The following UNC5D variants were observed in gnomAD, a reference collection of about 807,000 sequenced individuals.
UNC5D encodes the protein unc-5 netrin receptor D, also known as netrin receptor UNC5D.
Under a neutral mutation model 105.4 loss-of-function variants are expected in UNC5D, and 39 were observed. That is an observed-to-expected ratio of 0.37 (90% CI 0.29 to 0.48). The LOEUF (loss-of-function observed/expected upper bound fraction) is 0.48. Among genes scored for constraint, UNC5D ranks in the 20% least tolerant of loss-of-function variants. The pLI, the probability that UNC5D is intolerant of heterozygous loss-of-function variation, is 0.98. For missense variants in UNC5D, 991 were observed against 1,202.4 expected, an observed-to-expected ratio of 0.82 and a Z score of 2.60; for synonymous variants, 452 against 450.4, an observed-to-expected ratio of 1.00 and a Z score of -0.04.
intron 7 of UNC5D, among the ~76,000 whole-genome samples, chr8:35,689,894 C>T (rs1826269680): frequency 6.6e-6 from 1 of 152,140 alleles, no homozygotes; most frequent in Non-Finnish European, 1.5e-5. Flanking sequence ...CAAGTTGGCA[C>T]ATAAAATTAA....
chr8:35,713,623 G>C (rs1228294434), intron 8 of UNC5D, among the ~76,000 whole-genome samples: 1 of 152,092 alleles, frequency 6.6e-6, no homozygotes, highest in African/African-American at 2.4e-5. Flanking sequence ...ACTTTCATTT[G>C]TTCAATCTGG....
intron 11 of UNC5D, among the ~76,000 whole-genome samples, chr8:35,746,971 T>C (rs1223496873): frequency 1.3e-5 from 2 of 152,190 alleles, no homozygotes; most frequent in Non-Finnish European, 2.9e-5. Context: ...CACAGAGCAT[T>C]TGATGTTGCT....
At chr8:35,778,946 C>T (rs924761405) in intron 16 of UNC5D, among the ~76,000 whole-genome samples, 11 of 152,286 alleles carry the variant, frequency 7.2e-5, no homozygotes, top group African/African-American at 2.2e-4. Flanking sequence ...GTGTGCTGTA[C>T]GGCTGGCAAC....
intron 1 of UNC5D, among the ~76,000 whole-genome samples, chr8:35,453,341 G>A (rs565568070): frequency 6.6e-6 from 1 of 152,228 alleles, no homozygotes; most frequent in South Asian, 2.1e-4. Flanking sequence ...CAAAGGTGTT[G>A]TACTGTGAGG....
chr8:35,591,592 A>G (rs1365312546), intron 3 of UNC5D, among the ~76,000 whole-genome samples: 2 of 151,894 alleles, frequency 1.3e-5, no homozygotes, highest in Non-Finnish European at 2.9e-5. Context: ...TAAAATTCCT[A>G]TTATATGTAA....
At chr8:35,550,418 T>TA (rs761054598) in intron 2 of UNC5D, among the ~76,000 whole-genome samples, 4 of 152,184 alleles carry the variant, frequency 2.6e-5, no homozygotes, top group Non-Finnish European at 4.4e-5. Context: ...GGTCACACGT[T>TA]AGATTGTTGA....
At chr8:35,309,052 A>T (rs1808665102) in intron 1 of UNC5D, among the ~76,000 whole-genome samples, 2 of 152,030 alleles carry the variant, frequency 1.3e-5, no homozygotes, top group Non-Finnish European at 2.9e-5. Flanking sequence ...TTCCAGAAAA[A>T]CTGTTTTCCA....
At chr8:35,299,410 C>T (rs536565674) in intron 1 of UNC5D, among the ~76,000 whole-genome samples, 90 of 152,278 alleles carry the variant, frequency 5.9e-4, no homozygotes, top group Non-Finnish European at 1.1e-3. Context: ...GAGGAACTGT[C>T]GTCATCCTTA....
chr8:35,683,597 C>T lies in UNC5D; in HGVS notation c.621C>T (p.Asn207=). 1 of 1,578,620 alleles carries T rather than the reference C, an allele frequency of 6.3e-7. No individual in the cohort carries two copies. ...EEPIDSEQDE[N]IDTRADHNLI... ...CCATTGACTCTGAACAAGACGAGAA[C>T]ATTGACACCAGGGCTGACCATAACC... The change falls in exon 5 of 17, where the codon AAC becomes AAT. Residue 207 remains asparagine, a synonymous_variant. Coordinates refer to ENST00000404895, the MANE Select transcript of UNC5D (RefSeq NM_080872.4).
intron 1 of UNC5D, among the ~76,000 whole-genome samples, chr8:35,352,892 C>T (rs911704363): frequency 1.3e-5 from 2 of 152,086 alleles, no homozygotes; most frequent in Admixed American, 6.6e-5. Flanking sequence ...CAATTACAGG[C>T]GTGAGCCACT....
chr8:35,271,514 C>T (rs866320857), intron 1 of UNC5D, among the ~76,000 whole-genome samples: 2 of 143,422 alleles, frequency 1.4e-5, no homozygotes, highest in Non-Finnish European at 1.5e-5. Flanking sequence ...CATATGTATA[C>T]ATATATGTAT....
At chr8:35,538,395 T>TTATATATATATATATGTA (rs1815000070) in intron 1 of UNC5D, among the ~76,000 whole-genome samples, 9 of 82,442 alleles carry the variant, frequency 1.1e-4, no homozygotes, top group Admixed American at 3.0e-4. Context: ...AAAAAAATAA[T>TTATATATATATATATGTA]TATATATATA....
chr8:35,310,623 TAAATAA>T (rs529965330), intron 1 of UNC5D, among the ~76,000 whole-genome samples: 177 of 151,812 alleles, frequency 1.2e-3, no homozygotes, highest in Non-Finnish European at 2.1e-3. Context: ...CTCAAAAAAA[TAAATAA>T]AAATAAAAAT....
At chr8:35,243,223 C>T (rs1802901644) in intron 1 of UNC5D, among the ~76,000 whole-genome samples, 1 of 151,954 alleles carries the variant, frequency 6.6e-6, no homozygotes, top group African/African-American at 2.4e-5. Flanking sequence ...AGTGGAATTC[C>T]ATGTAAGAAT....
chr8:35,701,471 G>A (rs1160896661), intron 7 of UNC5D, among the ~76,000 whole-genome samples: 1 of 152,146 alleles, frequency 6.6e-6, no homozygotes, highest in African/African-American at 2.4e-5. Context: ...GGCTGGATAT[G>A]TAGGGATGAT....
intron 1 of UNC5D, among the ~76,000 whole-genome samples, chr8:35,518,187 A>G (rs1046693741): frequency 6.6e-6 from 1 of 152,218 alleles, no homozygotes; most frequent in Non-Finnish European, 1.5e-5. Context: ...ACTGTTTTTC[A>G]TATCCACTAA....
chr8:35,657,080 GTATATATATATATATATATA>G (rs3077002), intron 4 of UNC5D, among the ~76,000 whole-genome samples: 30 of 46,520 alleles, frequency 6.4e-4, no homozygotes, highest in South Asian at 4.9e-3. Flanking sequence ...GTGTGTGTGT[GTATATATATATATATATATA>G]TATATATATA....
At chr8:35,241,067 A>G (rs1802774850) in intron 1 of UNC5D, among the ~76,000 whole-genome samples, 1 of 152,168 alleles carries the variant, frequency 6.6e-6, no homozygotes, top group African/African-American at 2.4e-5. Flanking sequence ...TGCCAGGGAA[A>G]TGTGGAGCAT....
chr8:35,763,092 A>G (rs2131694832), intron 14 of UNC5D, among the ~76,000 whole-genome samples: 1 of 152,296 alleles, frequency 6.6e-6, no homozygotes, highest in Admixed American at 6.5e-5. Context: ...AGTGAAGATG[A>G]TTGCCCTGAA....
Sources: gnomAD v4.1 joint callset for allele counts (sites outside exome capture counted in the v4.1 genomes callset) on GRCh38, gnomAD v4.1.1 for gene constraint, MANE v1.5 for transcripts, NCBI Gene and HGNC (gene_info 2026-07-23, HGNC 2026-07-21) for gene names.